The following SHANK2 variants were observed in gnomAD, a reference collection of about 807,000 sequenced individuals.
SHANK2 encodes the protein SH3 and multiple ankyrin repeat domains 2, also known as SH3 and multiple ankyrin repeat domains protein 2.
Under a neutral mutation model 133.7 loss-of-function variants are expected in SHANK2, and 43 were observed. That is an observed-to-expected ratio of 0.32 (90% CI 0.25 to 0.41). The LOEUF is 0.41. SHANK2 is among the 10% of genes least tolerant of loss of function. SHANK2 has a pLI of 1.00. For synonymous variants in SHANK2, 1,017 were observed against 952.8 expected (o/e 1.07, Z -1.24); for missense variants, 1,994 against 2,235.8 (o/e 0.89, Z 2.18).
At chr11:70,823,631 A>G (rs1305138832) in intron 11 of SHANK2, among the ~76,000 whole-genome samples, 23 of 65,686 alleles carry the variant, frequency 3.5e-4, no homozygotes, top group South Asian at 6.5e-4. Flanking sequence ...CGTTGGCAGC[A>G]TTCACGGGGG....
At chr11:70,660,857 C>T (rs781878447) in intron 16 of SHANK2, among the ~76,000 whole-genome samples, 28 of 152,214 alleles carry the variant, frequency 1.8e-4, no homozygotes, top group African/African-American at 6.5e-4. Flanking sequence ...TGGCACAGCG[C>T]GTAAGCTCCA....
Position 70,936,144 on chromosome 11 carries a change from T to C in SHANK2, c.1108-39577A>G, listed in dbSNP as rs1276079837. Among the ~76,000 whole-genome samples, 5 of 152,188 alleles carry C rather than the reference T, an allele frequency of 3.3e-5. No homozygotes were observed. The East Asian group carries it at 9.6e-4, about 29-fold the overall frequency. ...CTCTGTGGAGCTTATTCTCAAAATGTTCAGAAAAAGGAAAAACCCATGAAG... is the reference window on the plus strand; with the variant it reads ...CTCTGTGGAGCTTATTCTCAAAATGCTCAGAAAAAGGAAAAACCCATGAAG... On this transcript the variant is annotated intron_variant, in intron 10 of 25. Transcript: ENST00000601538.
At chr11:71,240,220 G>T (rs1356556282) in intron 1 of SHANK2, among the ~76,000 whole-genome samples, 1 of 152,144 alleles carries the variant, frequency 6.6e-6, no homozygotes, top group East Asian at 1.9e-4. Flanking sequence ...CAGACACGGT[G>T]TATCTTCTCC....
intron 2 of SHANK2, among the ~76,000 whole-genome samples, chr11:71,201,743 A>G (rs895798586): frequency 3.9e-5 from 6 of 152,198 alleles, no homozygotes; most frequent in Non-Finnish European, 8.8e-5. Flanking sequence ...CTCCGAGGGT[A>G]GTGGGGCTGG....
rs190866328 is a variant in SHANK2, at chr11:70,782,232, T to C, written c.1777+16211A>G. 9.7e-4 allele frequency among the ~76,000 whole-genome samples: 148 copies of C among 152,348 alleles called. 1 individual carries two copies. Among genetic ancestry groups the C allele is most frequent in the African/African-American group, 3.4e-3 (142 of 41,590 alleles). ...GGTGCCCGCTACCAAGCCTGGCTAA[T>C]TTTTAATAGAGACAAGATTTTGCCA... On this transcript the variant is annotated intron_variant, in intron 14 of 25. Transcript: ENST00000601538.
At position 70,487,352 on chromosome 11, in the gene SHANK2, T is replaced by G. The variant is rs781870599; in HGVS notation, c.2941A>C (p.Arg981=). 6.2e-7 allele frequency: 1 copy of G among 1,614,128 alleles called. No individual in the cohort carries two copies. Among genetic ancestry groups the G allele is most frequent in the Non-Finnish European group, 8.5e-7 (1 of 1,180,030 alleles). Residue 981 remains arginine (R), a synonymous_variant, in exon 25 of 26, where the codon AGA becomes CGA. Transcript: ENST00000601538. This position sits in a 1 kb window ranked among gnomAD's most constrained non-coding sequence, Gnocchi z 5.8. ...TATGGGTTTTCTGGCATCTGGCCTCTCTTGTTGCGGAAGTTGGCTTGCGGG... is the reference window on the plus strand; with the variant it reads ...TATGGGTTTTCTGGCATCTGGCCTCGCTTGTTGCGGAAGTTGGCTTGCGGG... The part of the protein sequence containing the change: ...AGPQANFRNK[R]GQMPENPYSE...
At chr11:71,210,210 G>GTGTATATATATGTGTGTATATATATATA (rs1491563939) in intron 2 of SHANK2, among the ~76,000 whole-genome samples, 1 of 54,074 alleles carries the variant, frequency 1.8e-5, no homozygotes. Context: ...AAATCCACAG[G>GTGTATATATATGTGTGTATATATATATA]TATATATATA....
intron 14 of SHANK2, among the ~76,000 whole-genome samples, chr11:70,701,649 C>T (rs1283910017): frequency 1.3e-5 from 2 of 152,162 alleles, no homozygotes; most frequent in African/African-American, 4.8e-5. Context: ...CGTGATCCAC[C>T]TGCCTCGGCC....
chr11:70,730,930 C>A (rs1301019132), intron 14 of SHANK2, among the ~76,000 whole-genome samples: 1 of 150,284 alleles, frequency 6.7e-6, no homozygotes, highest in Non-Finnish European at 1.5e-5. Flanking sequence ...CAATGCTGTG[C>A]AACCAGCACT....
At position 70,471,211 on chromosome 11, in the gene SHANK2, T is replaced by C; in HGVS notation, c.*1658A>G. The C allele has an allele frequency of 2.5e-6, 1 of 397,810 alleles. No homozygotes were observed. The highest frequency in any genetic ancestry group is 1.3e-4 in the South Asian group (1 of 7,810). 24.6% of individuals were successfully genotyped at this position (397,810 alleles called of 1,614,324 possible). The stretch of plus-strand genomic sequence containing the variant: ...GCAGTAAAGAAAGATTTTAAATTGC[T>C]AAATTTTATGTGTTCATTCTAGAGC... On this transcript the variant is annotated 3_prime_UTR_variant, in exon 26 of 26. Coordinates refer to ENST00000601538, the MANE Select transcript of SHANK2 (RefSeq NM_012309.5). The surrounding 1 kb of genome is among the most constrained non-coding windows in gnomAD (Gnocchi z 4.1).
chr11:70,491,425 T>A (rs1271849545), intron 22 of SHANK2, among the ~76,000 whole-genome samples: 1 of 152,222 alleles, frequency 6.6e-6, no homozygotes, highest in African/African-American at 2.4e-5. Flanking sequence ...AGGCAGGGCC[T>A]GGAGGGGAAG....
chr11:70,479,900 G>C lies in SHANK2; in HGVS notation c.4979+5414C>G, dbSNP rs968795808. On this transcript the variant is annotated intron_variant, in intron 25 of 25. Transcript: ENST00000601538. The surrounding 1 kb of genome is among the most constrained non-coding windows in gnomAD (Gnocchi z 4.4). ...AAGCATATAAGTCAGGCAAGCTGCT[G>C]TGTTCTCCTGGGTTCCTTAGGCACT... 6.6e-6 allele frequency among the ~76,000 whole-genome samples: 1 copy of C among 152,234 alleles called. No homozygotes were observed. Among genetic ancestry groups the C allele is most frequent in the Non-Finnish European group, 1.5e-5 (1 of 68,046 alleles).
intron 3 of SHANK2, among the ~76,000 whole-genome samples, chr11:71,130,547 T>G (rs1952281943): frequency 6.6e-6 from 1 of 152,184 alleles, no homozygotes; most frequent in Non-Finnish European, 1.5e-5. Flanking sequence ...ATGGTAAATA[T>G]TATACCATAT....
At chr11:70,489,396 T>TA in intron 23 of SHANK2, 48 bp from the exon 24 acceptor site, 3 of 1,601,226 alleles carry the variant, frequency 1.9e-6, no homozygotes, top group Non-Finnish European at 1.7e-6. Context: ...GCAAGACAAA[T>TA]ACGCAGCTTT....
At chr11:70,863,881 C>T (rs75169807) in intron 11 of SHANK2, 15 of 457,470 alleles carry the variant, frequency 3.3e-5, no homozygotes, top group African/African-American at 6.0e-5. Context: ...GGAGAGGCCT[C>T]AGGAGAAACC....
At position 70,709,739 on chromosome 11, in the gene SHANK2, G is replaced by A. The variant is rs116157193; in HGVS notation, c.1778-10976C>T. ...TGGCAGAGACAGCTGGCAAAGGTACGCAAGTATCATGAGATTTGGGGTTGG... is the reference window on the plus strand; with the variant it reads ...TGGCAGAGACAGCTGGCAAAGGTACACAAGTATCATGAGATTTGGGGTTGG... On this transcript the variant is annotated intron_variant, in intron 14 of 25. Transcript: ENST00000601538. 5.5e-3 allele frequency among the ~76,000 whole-genome samples: 836 copies of A among 152,206 alleles called. 8 individuals are homozygous for A. Among genetic ancestry groups the A allele is most frequent in the African/African-American group, 0.019 (779 of 41,524 alleles).
chr11:70,622,084 G>A (rs2060836734), intron 17 of SHANK2, among the ~76,000 whole-genome samples: 1 of 152,148 alleles, frequency 6.6e-6, no homozygotes, highest in Non-Finnish European at 1.5e-5. Flanking sequence ...GGGGCAAAGG[G>A]GTGTTTGCCT....
chr11:71,212,090 A>C (rs1320076680), intron 2 of SHANK2, among the ~76,000 whole-genome samples: 1 of 152,228 alleles, frequency 6.6e-6, no homozygotes, highest in Non-Finnish European at 1.5e-5. Flanking sequence ...AGCACCAAGA[A>C]AAGTCTGCTT....
intron 15 of SHANK2, among the ~76,000 whole-genome samples, chr11:70,694,413 C>T (rs75016503): frequency 0.018 from 2,812 of 152,302 alleles, 62 homozygotes; most frequent in African/African-American, 0.054. Flanking sequence ...GAGAAACCTC[C>T]TGACTGATTC....
Sources: allele counts gnomAD v4.1 joint callset (sites outside exome capture counted in the v4.1 genomes callset), GRCh38; gene constraint gnomAD v4.1.1; non-coding constraint Gnocchi (gnomAD v3.1); transcripts MANE v1.5; gene names NCBI Gene and HGNC (gene_info 2026-07-23, HGNC 2026-07-21).